Variants in ZSWIM3 observed in about 807,000 individuals in gnomAD.
ZSWIM3 encodes the protein zinc finger SWIM-type containing 3, also known as zinc finger SWIM domain-containing protein 3.
In ZSWIM3, 27 loss-of-function variants were observed where a neutral mutation model predicts 47.5. The observed-to-expected ratio is 0.57, with a 90% CI of 0.42 to 0.78. ZSWIM3 has a LOEUF of 0.78. Ranked by LOEUF, ZSWIM3 falls within the 30% of genes least tolerant of loss-of-function variation. ZSWIM3 has a pLI of 0.00. For missense variants in ZSWIM3, 689 were observed against 861.3 expected (o/e 0.80, Z 2.50); for synonymous variants, 333 against 333.9 (o/e 1.00, Z 0.03).
intron 1 of ZSWIM3, among the ~76,000 whole-genome samples, chr20:45,865,380 C>T (rs1985813278): frequency 6.6e-6 from 1 of 150,880 alleles, no homozygotes; most frequent in Admixed American, 6.6e-5. Context: ...CCCAGCTACT[C>T]AGAAGGCTGA....
At chr20:45,859,964 CAGAAG>C (rs897440861) in intron 1 of ZSWIM3, among the ~76,000 whole-genome samples, 1 of 152,006 alleles carries the variant, frequency 6.6e-6, no homozygotes, top group Non-Finnish European at 1.5e-5. Context: ...TGCGGGAACT[CAGAAG>C]AGAAAAATCA....
chr20:45,858,077 G>C, intron 1 of ZSWIM3, 97 bp downstream of exon 1: 1 of 1,318,896 alleles, frequency 7.6e-7, no homozygotes, highest in Non-Finnish European at 1.0e-6. Flanking sequence ...GGCACGCATT[G>C]GGCTGCGTGG....
rs376215954 is a variant in ZSWIM3 at position 45,876,860 on chromosome 20, T to C, written c.302T>C (p.Ile101Thr). The C allele has an allele frequency of 1.2e-6, 2 of 1,614,122 alleles. No individual in the cohort carries two copies. The highest frequency in any genetic ancestry group is 1.7e-6 in the Non-Finnish European group (2 of 1,180,022). Reference protein sequence around the residue: ...LFISELNTQHIHGDSKVASPG... With the variant: ...LFISELNTQHTHGDSKVASPG... Reference sequence around the variant, plus strand: ...ATCAGTGAACTAAACACACAGCACATACATGGTGACTCTAAAGTGGCTAGT... The same window carrying C: ...ATCAGTGAACTAAACACACAGCACACACATGGTGACTCTAAAGTGGCTAGT... Residue 101 changes from isoleucine (I) to threonine (T), a missense_variant, in exon 2 of 2, where the codon ATA (isoleucine) becomes ACA (threonine). Ile to Thr is a moderately conservative substitution (Grantham distance 89). Coordinates refer to ENST00000255152, the MANE Select transcript of ZSWIM3 (RefSeq NM_080752.4).
At chr20:45,860,056 T>C (rs955994806) in intron 1 of ZSWIM3, among the ~76,000 whole-genome samples, 2 of 152,144 alleles carry the variant, frequency 1.3e-5, no homozygotes, top group Non-Finnish European at 2.9e-5. Flanking sequence ...AGAAGGTGTA[T>C]TGGTTTTCTG....
chr20:45,872,051 A>C (rs1447606331), intron 1 of ZSWIM3, among the ~76,000 whole-genome samples: 6 of 152,172 alleles, frequency 3.9e-5, no homozygotes. Context: ...TACAAATCCC[A>C]TGTTCCCAGG....
rs78308594 is a variant in ZSWIM3, at chr20:45,861,134, G to A, written c.155+3154G>A. On this transcript the variant is annotated intron_variant, in intron 1 of 1. Transcript: ENST00000255152. ...CACAAAACAAAATTTAAAATTAGGG[G>A]CCAGGTTGTGGCAGCTCACACGTAT... 7.6e-3 allele frequency among the ~76,000 whole-genome samples: 1,152 copies of A among 152,206 alleles called. 20 individuals are homozygous for A. Among genetic ancestry groups the A allele is most frequent in the African/African-American group, 0.027 (1,119 of 41,536 alleles).
At chr20:45,875,140 T>C (rs965795654) in intron 1 of ZSWIM3, among the ~76,000 whole-genome samples, 1 of 149,792 alleles carries the variant, frequency 6.7e-6, no homozygotes, top group African/African-American at 2.5e-5. Context: ...CCTCCCGGGT[T>C]CACGCCATTC....
chr20:45,865,436 C>T (rs1189107294), intron 1 of ZSWIM3, among the ~76,000 whole-genome samples: 2 of 151,748 alleles, frequency 1.3e-5, no homozygotes, highest in African/African-American at 4.8e-5. Flanking sequence ...TGCAGTGAGC[C>T]AAGATCGTGC....
At chr20:45,864,249 G>A (rs1001851444) in intron 1 of ZSWIM3, among the ~76,000 whole-genome samples, 6 of 152,154 alleles carry the variant, frequency 3.9e-5, no homozygotes, top group Non-Finnish European at 7.3e-5. Context: ...CTTAGGAGGC[G>A]GTGAATTCAT....
Position 45,878,810 on chromosome 20 carries a change from C to G in ZSWIM3, c.*161C>G. The G allele has an allele frequency of 1.1e-6, 1 of 942,924 alleles. No individual in the cohort carries two copies. The highest frequency in any genetic ancestry group is 1.5e-6 in the Non-Finnish European group (1 of 659,606). The allele number at this position is 942,924 out of a possible 1,614,324, so 58.4% of individuals were successfully genotyped here. On this transcript the variant is annotated 3_prime_UTR_variant, in exon 2 of 2. Coordinates refer to ENST00000255152, the MANE Select transcript of ZSWIM3 (RefSeq NM_080752.4). ...AGAGGAAGGGAACTCCACTGTGTGA[C>G]AGTCCTTTCAATCTGCCCCTTTTCA...
intron 1 of ZSWIM3, among the ~76,000 whole-genome samples, chr20:45,863,984 C>T (rs570953440): frequency 1.0e-3 from 154 of 152,234 alleles, no homozygotes; most frequent in African/African-American, 3.6e-3. Context: ...AGCAGCAGAG[C>T]GAGACTCTGT....
rs118032495 is a variant in ZSWIM3 at position 45,875,957 on chromosome 20, C to T, written c.156-757C>T. Among the ~76,000 whole-genome samples the T allele has an allele frequency of 9.4e-4, 143 of 152,258 alleles. 1 individual carries two copies. The East Asian group carries it at 0.024, about 26-fold the overall frequency. On this transcript the variant is annotated intron_variant, in intron 1 of 1. Transcript: ENST00000255152. ...AAGCAATCCTCCAGCCTCAGCCTCC[C>T]GAGTAGTTGGGACCACAGTTGGGAA...
At chr20:45,862,028 C>T (rs1985720515) in intron 1 of ZSWIM3, among the ~76,000 whole-genome samples, 1 of 151,322 alleles carries the variant, frequency 6.6e-6, no homozygotes. Context: ...GACTCTGTCT[C>T]AAAATAAATA....
At chr20:45,875,035 C>CTTTTTTTT (rs35356697) in intron 1 of ZSWIM3, among the ~76,000 whole-genome samples, 10 of 90,542 alleles carry the variant, frequency 1.1e-4, no homozygotes, top group African/African-American at 2.1e-4. Flanking sequence ...TTAATTTTAA[C>CTTTTTTTT]TTTTTTTTTT....
rs76394571 is a variant in ZSWIM3 at position 45,873,010 on chromosome 20, C to T, written c.156-3704C>T. On this transcript the variant is annotated intron_variant, in intron 1 of 1. Transcript: ENST00000255152. Reference sequence around the variant, plus strand: ...CAGGGGGTGAGATTTTTTTCCCTTCCCCTGGTCTTTGGGCTGGGGCACTCC... The same window carrying T: ...CAGGGGGTGAGATTTTTTTCCCTTCTCCTGGTCTTTGGGCTGGGGCACTCC... 2.2e-3 allele frequency among the ~76,000 whole-genome samples: 337 copies of T among 152,256 alleles called. 1 individual carries two copies. The highest frequency in any genetic ancestry group is 7.7e-3 in the African/African-American group (322 of 41,558).
chr20:45,866,332 A>G (rs1985842404), intron 1 of ZSWIM3, among the ~76,000 whole-genome samples: 1 of 152,180 alleles, frequency 6.6e-6, no homozygotes, highest in Non-Finnish European at 1.5e-5. Flanking sequence ...TGCAAATATT[A>G]TATGGGTGGC....
intron 1 of ZSWIM3, among the ~76,000 whole-genome samples, chr20:45,862,444 G>C (rs777567932): frequency 6.6e-6 from 1 of 151,710 alleles, no homozygotes; most frequent in Non-Finnish European, 1.5e-5. Context: ...TGCCCAGTCT[G>C]CATTATCTTT....
At position 45,866,127 on chromosome 20, in the gene ZSWIM3, A is replaced by G. The variant is rs1314163515; in HGVS notation, c.155+8147A>G. 2.0e-5 allele frequency among the ~76,000 whole-genome samples: 3 copies of G among 150,836 alleles called. No individual in the cohort carries two copies. The East Asian group carries it at 5.9e-4, about 30-fold the overall frequency. ...AAGACCAGCCTGGCCAACATGGTGA[A>G]ACCGTCTCTACTAAAAATACACAAA... On this transcript the variant is annotated intron_variant, in intron 1 of 1. Transcript: ENST00000255152.
intron 1 of ZSWIM3, among the ~76,000 whole-genome samples, chr20:45,867,111 AT>A (rs1047463756): frequency 1.3e-5 from 2 of 150,660 alleles, no homozygotes; most frequent in African/African-American, 2.4e-5. Flanking sequence ...AGTTCAAGCA[AT>A]TCTCGTGCCT....
Sources: gnomAD v4.1 joint callset for allele counts (sites outside exome capture counted in the v4.1 genomes callset) on GRCh38, gnomAD v4.1.1 for gene constraint, MANE v1.5 for transcripts, NCBI Gene and HGNC (gene_info 2026-07-23, HGNC 2026-07-21) for gene names.